Variants in LRP12 observed in about 807,000 individuals in gnomAD.
LRP12 encodes LDL receptor related protein 12.
LRP12 carries 14 observed loss-of-function variants against 66.0 expected under a neutral mutation model. That is an observed-to-expected ratio of 0.21 (90% CI 0.14 to 0.33). The LOEUF (loss-of-function observed/expected upper bound fraction) is 0.33, where lower values mean the gene tolerates loss of function less well. Among genes scored for constraint, LRP12 ranks in the 10% least tolerant of loss-of-function variants. The pLI is 1.00. For synonymous variants in LRP12, 357 were observed against 359.1 expected (o/e 0.99, Z 0.07); for missense variants, 889 against 1,053.4 (o/e 0.84, Z 2.16).
At chr8:104,499,812 C>T (rs1046272617) in intron 3 of LRP12, among the ~76,000 whole-genome samples, 6 of 143,374 alleles carry the variant, frequency 4.2e-5, no homozygotes, top group Admixed American at 1.3e-4. Flanking sequence ...TCTGTGTGTA[C>T]GGTTGGGAAA....
At chr8:104,585,890 T>C (rs1812322510) in intron 1 of LRP12, among the ~76,000 whole-genome samples, 1 of 152,210 alleles carries the variant, frequency 6.6e-6, no homozygotes. Flanking sequence ...TTCTATTGAC[T>C]AGGAGACAGA....
At chr8:104,557,186 CCT>C (rs945077950) in intron 1 of LRP12, among the ~76,000 whole-genome samples, 12 of 152,158 alleles carry the variant, frequency 7.9e-5, no homozygotes, top group African/African-American at 2.9e-4. Context: ...AAGCATTTCC[CCT>C]GAGAACAGGA....
intron 1 of LRP12, among the ~76,000 whole-genome samples, chr8:104,578,924 C>T (rs1357679672): frequency 6.6e-6 from 1 of 151,972 alleles, no homozygotes; most frequent in African/African-American, 2.4e-5. Context: ...AAGAAATATA[C>T]CTCAAAATAA....
intron 1 of LRP12, among the ~76,000 whole-genome samples, chr8:104,546,901 A>ATATTTTG (rs1405516166): frequency 6.3e-5 from 9 of 141,980 alleles, no homozygotes; most frequent in Admixed American, 1.5e-4. Flanking sequence ...AATTATTATT[A>ATATTTTG]TATATATTAT....
intron 1 of LRP12, among the ~76,000 whole-genome samples, chr8:104,570,920 GAACTCA>G (rs1329526190): frequency 6.6e-6 from 1 of 152,062 alleles, no homozygotes; most frequent in African/African-American, 2.4e-5. Context: ...AATGAGTAAT[GAACTCA>G]AGCATTTCAC....
intron 1 of LRP12, among the ~76,000 whole-genome samples, chr8:104,543,825 G>C (rs571325332): frequency 1.2e-3 from 181 of 152,232 alleles, no homozygotes; most frequent in African/African-American, 4.2e-3. Flanking sequence ...GGGAGGGAGA[G>C]GCAGTAGAAT....
intron 2 of LRP12, among the ~76,000 whole-genome samples, chr8:104,525,018 G>T (rs1426419382): frequency 6.6e-6 from 1 of 151,960 alleles, no homozygotes; most frequent in Non-Finnish European, 1.5e-5. Context: ...GCAGTAATTT[G>T]GTAATTTTAA....
chr8:104,545,766 CTCACTTTATTGTGACAT>C (rs1811546845), intron 1 of LRP12, among the ~76,000 whole-genome samples: 1 of 152,146 alleles, frequency 6.6e-6, no homozygotes. Flanking sequence ...ATACACGTGA[CTCACTTTATTGTGACAT>C]TCACTTTATT....
chr8:104,556,733 A>C (rs1376231137), intron 1 of LRP12, among the ~76,000 whole-genome samples: 1 of 152,218 alleles, frequency 6.6e-6, no homozygotes, highest in Admixed American at 6.5e-5. Flanking sequence ...CCAAAGATAG[A>C]GAAAGAAGGA....
chr8:104,534,774 C>G (rs1265967027), intron 1 of LRP12, among the ~76,000 whole-genome samples: 1 of 151,818 alleles, frequency 6.6e-6, no homozygotes, highest in South Asian at 2.1e-4. Context: ...TTTATGTGTA[C>G]TACCATTCTA....
intron 2 of LRP12, among the ~76,000 whole-genome samples, chr8:104,527,100 A>G (rs1811250911): frequency 6.6e-6 from 1 of 151,474 alleles, no homozygotes; most frequent in African/African-American, 2.4e-5. Flanking sequence ...GTCACTGGCC[A>G]TCAGAGAAAT....
chr8:104,491,683 A>C (rs1178550811), intron 6 of LRP12, 144 bp from the exon 7 acceptor site: 1 of 627,416 alleles, frequency 1.6e-6, no homozygotes, highest in African/African-American at 1.9e-5. Flanking sequence ...AGGAAAAATT[A>C]AATTCTCTTA....
intron 1 of LRP12, among the ~76,000 whole-genome samples, chr8:104,547,631 T>C (rs1211046511): frequency 1.6e-5 from 2 of 125,848 alleles, no homozygotes; most frequent in South Asian, 2.3e-4. Context: ...TAATATATAA[T>C]AAATATATAT....
intron 1 of LRP12, among the ~76,000 whole-genome samples, chr8:104,549,764 A>G (rs1217262608): frequency 6.6e-6 from 1 of 152,156 alleles, no homozygotes; most frequent in African/African-American, 2.4e-5. Flanking sequence ...CTGTAAATTC[A>G]TGGTTTCAAT....
rs1326758151 is a variant in LRP12 at position 104,490,833 on chromosome 8, C to G, written c.2420G>C (p.Arg807Thr). The change falls in exon 7 of 7, where the codon AGA (arginine) becomes ACA (threonine). Residue 807 changes from arginine to threonine, a missense_variant. Around this residue, in one of 3 missense-constraint regions of LRP12, gnomAD observed 800 missense variants for 964.5 expected, o/e 0.83. Coordinates refer to ENST00000276654, the MANE Select transcript of LRP12 (RefSeq NM_013437.5). ...DLASDQGQGL[R>T]QPYNATNPGV... ...AGGATTTGTTGCATTATATGGTTGTCTAAGCCCTTGTCCTTGATCTGAGGC... is the reference window on the plus strand; with the variant it reads ...AGGATTTGTTGCATTATATGGTTGTGTAAGCCCTTGTCCTTGATCTGAGGC... 1 of 1,614,014 alleles carries G rather than the reference C, an allele frequency of 6.2e-7. No homozygotes were observed. Among genetic ancestry groups the G allele is most frequent in the African/African-American group, 1.3e-5 (1 of 74,892 alleles).
intron 1 of LRP12, among the ~76,000 whole-genome samples, chr8:104,559,472 G>A (rs1281864882): frequency 6.6e-6 from 1 of 152,094 alleles, no homozygotes; most frequent in Non-Finnish European, 1.5e-5. Flanking sequence ...GTGAGGAGGG[G>A]TGAGCGATAA....
At chr8:104,523,494 C>T (rs1811180486) in intron 2 of LRP12, among the ~76,000 whole-genome samples, 1 of 152,116 alleles carries the variant, frequency 6.6e-6, no homozygotes, top group Non-Finnish European at 1.5e-5. Flanking sequence ...CTGTAGCCAC[C>T]TCCCATTGCT....
chr8:104,577,370 A>T (rs1319570391), intron 1 of LRP12, among the ~76,000 whole-genome samples: 1 of 152,252 alleles, frequency 6.6e-6, no homozygotes. Flanking sequence ...TGAAATAGTA[A>T]AAAACAATCT....
intron 1 of LRP12, among the ~76,000 whole-genome samples, chr8:104,552,268 A>T (rs1441884520): frequency 6.6e-6 from 1 of 152,134 alleles, no homozygotes; most frequent in African/African-American, 2.4e-5. Flanking sequence ...ATACCAAGAA[A>T]ATGGCATTTT....
Sources: allele counts gnomAD v4.1 joint callset (sites outside exome capture counted in the v4.1 genomes callset), GRCh38; gene constraint gnomAD v4.1.1; regional missense constraint gnomAD v4.1.1; transcripts MANE v1.5; gene names NCBI Gene and HGNC (gene_info 2026-07-23, HGNC 2026-07-21).